The following ARL6IP1 variants were observed in gnomAD, a reference collection of about 807,000 sequenced individuals.
The protein encoded by ARL6IP1 is ARL6 interacting reticulophagy regulator 1.
A neutral mutation model predicts 30.1 loss-of-function variants in ARL6IP1; 16 were observed. The observed-to-expected ratio is 0.53, with a 90% CI of 0.36 to 0.81. The LOEUF (loss-of-function observed/expected upper bound fraction) is 0.81. Ranked by LOEUF, ARL6IP1 falls within the 30% of genes least tolerant of loss-of-function variation. ARL6IP1 has a pLI of 0.01. For synonymous variants in ARL6IP1, 72 were observed against 84.8 expected (o/e 0.85, Z 0.83); for missense variants, 173 against 242.7 (o/e 0.71, Z 1.91).
intron 2 of ARL6IP1, chr16:18,798,367 C>A: frequency 3.3e-6 from 1 of 306,682 alleles, no homozygotes; most frequent in Non-Finnish European, 6.0e-6. Flanking sequence ...TGCAGCAAAC[C>A]ACCATGGCAC....
At chr16:18,798,346 G>A (rs1191445545) in intron 2 of ARL6IP1, 2 of 311,312 alleles carry the variant, frequency 6.4e-6, no homozygotes, top group Non-Finnish European at 1.2e-5. Flanking sequence ...TGTAGATGAA[G>A]GGTTGATGGG....
chr16:18,795,442 TAAGTC>T lies in ARL6IP1; in HGVS notation c.408+17_408+21del, dbSNP rs1567291481. On this transcript the variant is annotated intron_variant, in intron 4 of 5. Transcript: ENST00000304414. ...TCAAATCTTAAAATTTTACTGTACTTAAGTCAAAGCAAAAAAAGTACCATCTTAGG... is the reference window on the plus strand; with the variant it reads ...TCAAATCTTAAAATTTTACTGTACTTAAAGCAAAAAAAGTACCATCTTAGG... 2 of 1,572,930 alleles carry T rather than the reference TAAGTC, an allele frequency of 1.3e-6. No homozygotes were observed. The highest frequency in any genetic ancestry group is 2.2e-5 in the South Asian group (2 of 89,120).
intron 1 of ARL6IP1, among the ~76,000 whole-genome samples, chr16:18,800,602 T>C (rs1268113173): frequency 1.3e-5 from 2 of 152,202 alleles, no homozygotes; most frequent in East Asian, 3.8e-4. Context: ...GTCTGGGGTC[T>C]TGGAAGTTCA....
In ARL6IP1 at chr16:18,801,459, T is replaced by A; in HGVS notation, c.8A>T (p.Glu3Val). The A allele has an allele frequency of 2.5e-6, 4 of 1,612,082 alleles. No homozygotes were observed. Among genetic ancestry groups the A allele is most frequent in the Non-Finnish European group, 3.4e-6 (4 of 1,179,496 alleles). ...CAGGTTGGTGCTGCGATTATCTCCC[T>A]CCGCCATCGTCTCGGGGATGCAGTC... MA[E>V]GDNRSTNLLA... Residue 3 changes from glutamate (E) to valine (V), a missense_variant, in exon 1 of 6, where the codon GAG (glutamate) becomes GTG (valine). Glu to Val is a moderately radical substitution (Grantham distance 121). Transcript: ENST00000304414.
rs1321385437 is a variant in ARL6IP1, at chr16:18,791,748, G to T, written c.*1504C>A. ...ATAATACAGGATTAAAACTGCAAAA[G>T]TAGTTAATCAGTAGAATATGTATGC... is the stretch of plus-strand genomic sequence containing the variant. On this transcript the variant is annotated 3_prime_UTR_variant, in exon 6 of 6. Coordinates refer to ENST00000304414, the MANE Select transcript of ARL6IP1 (RefSeq NM_015161.3). 6.6e-6 allele frequency: 1 copy of T among 152,266 alleles called. No homozygotes were observed. The highest frequency in any genetic ancestry group is 1.5e-5 in the Non-Finnish European group (1 of 68,022). The allele number at this position is 152,266 out of a possible 1,614,324, so 9.4% of individuals were successfully genotyped here.
At chr16:18,796,211 G>T (rs1403232595) in intron 3 of ARL6IP1, among the ~76,000 whole-genome samples, 1 of 152,132 alleles carries the variant, frequency 6.6e-6, no homozygotes. Context: ...TATTTATAAT[G>T]TTTTTCTTGG....
At position 18,801,519 on chromosome 16, in the gene ARL6IP1, C is replaced by A; in HGVS notation, c.-53G>T. The stretch of plus-strand genomic sequence containing the variant: ...GCAGGCCACCTCCCCAACGAGTCCT[C>A]CAACCGAAACCCGCACACCAACCAC... On this transcript the variant is annotated 5_prime_UTR_variant, in exon 1 of 6. Transcript: ENST00000304414. The A allele has an allele frequency of 6.3e-7, 1 of 1,596,984 alleles. No homozygotes were observed. The highest frequency in any genetic ancestry group is 1.8e-5 in the Admixed American group (1 of 55,804).
chr16:18,799,181 G>A (rs540846806), intron 1 of ARL6IP1, among the ~76,000 whole-genome samples: 2 of 152,158 alleles, frequency 1.3e-5, no homozygotes, highest in South Asian at 2.1e-4. Flanking sequence ...CACCACGCCC[G>A]ACTAATTTTT....
rs947193939 is a variant in ARL6IP1 at position 18,801,302 on chromosome 16, C to A, written c.36+129G>T. On this transcript the variant is annotated intron_variant, in intron 1 of 5. Coordinates refer to ENST00000304414, the MANE Select transcript of ARL6IP1 (RefSeq NM_015161.3). ...TCACCCAAGAAGCCCGAGGGCCAGG[C>A]ATCGTCGCCTGCCCAGGGAGAGAAG... is the stretch of plus-strand genomic sequence containing the variant. The A allele has an allele frequency of 1.3e-5, 19 of 1,508,500 alleles. No homozygotes were observed. In the Admixed American group the frequency reaches 3.4e-4, roughly 27 times the overall value. The allele number at this position is 1,508,500 out of a possible 1,614,324, so 93.4% of individuals were successfully genotyped here. A position where few individuals can be genotyped will look rare whatever the true frequency, so the allele number is the denominator to read the frequency against.
intron 1 of ARL6IP1, among the ~76,000 whole-genome samples, chr16:18,799,993 G>C (rs1338471573): frequency 6.6e-6 from 1 of 152,188 alleles, no homozygotes; most frequent in African/African-American, 2.4e-5. Context: ...CTTGAGCCCA[G>C]GAGATCGGGA....
At chr16:18,793,709 G>A (rs887999222) in intron 5 of ARL6IP1, among the ~76,000 whole-genome samples, 2 of 150,316 alleles carry the variant, frequency 1.3e-5, no homozygotes, top group South Asian at 4.2e-4. Context: ...GGGATTACGG[G>A]CGTGAGCCAC....
intron 4 of ARL6IP1, 27 bp from the exon 5 acceptor site, chr16:18,794,710 TC>T (rs745788241): frequency 6.5e-7 from 1 of 1,527,120 alleles, no homozygotes; most frequent in Non-Finnish European, 9.0e-7. Context: ...GAATTTAATA[TC>T]AAAACTTCAT....
Position 18,791,954 on chromosome 16 carries a change from G to C in ARL6IP1, c.*1298C>G, listed in dbSNP as rs948626059. 6.6e-6 allele frequency: 1 copy of C among 152,544 alleles called. No individual in the cohort carries two copies. Among genetic ancestry groups the C allele is most frequent in the Admixed American group, 6.6e-5 (1 of 15,264 alleles). 9.4% of individuals were successfully genotyped at this position (152,544 alleles called of 1,614,324 possible). A position where few individuals can be genotyped will look rare whatever the true frequency, so the allele number is the denominator to read the frequency against. Reference sequence around the variant, plus strand: ...TTTAATAGGGACAGATATACCACAAGGTACAACATCAGTGCAATAAATTCA... The same window carrying C: ...TTTAATAGGGACAGATATACCACAACGTACAACATCAGTGCAATAAATTCA... On this transcript the variant is annotated 3_prime_UTR_variant, in exon 6 of 6. Transcript: ENST00000304414.
chr16:18,795,016 C>CTTTT (rs35734251), intron 4 of ARL6IP1, among the ~76,000 whole-genome samples: 4 of 133,282 alleles, frequency 3.0e-5, no homozygotes, highest in Non-Finnish European at 4.8e-5. Context: ...AGATGCTTTC[C>CTTTT]TTTTTTTTTT....
At chr16:18,795,803 G>C (rs894984669) in intron 3 of ARL6IP1, among the ~76,000 whole-genome samples, 2 of 152,148 alleles carry the variant, frequency 1.3e-5, no homozygotes, top group Non-Finnish European at 2.9e-5. Context: ...GAGAGTGTGT[G>C]TGTGTGTGCG....
rs750906679 is a variant in ARL6IP1, at chr16:18,801,507, C to G, written c.-41G>C. ...GTCTCTACAAGCGCAGGCCACCTCC[C>G]CAACGAGTCCTCCAACCGAAACCCG... On this transcript the variant is annotated 5_prime_UTR_variant, in exon 1 of 6. Coordinates refer to ENST00000304414, the MANE Select transcript of ARL6IP1 (RefSeq NM_015161.3). 1.2e-6 allele frequency: 2 copies of G among 1,604,962 alleles called. No individual in the cohort carries two copies. Among genetic ancestry groups the G allele is most frequent in the Non-Finnish European group, 1.7e-6 (2 of 1,176,644 alleles).
At chr16:18,798,884 T>C (rs749559419) in intron 1 of ARL6IP1, 50 bp from the exon 2 acceptor site, 9 of 1,561,000 alleles carry the variant, frequency 5.8e-6, no homozygotes, top group Non-Finnish European at 7.8e-6. Context: ...CTCAACATTT[T>C]TGTGGTTCAT....
chr16:18,795,674 A>G, intron 3 of ARL6IP1, 93 bp from the exon 4 acceptor site: 1 of 793,264 alleles, frequency 1.3e-6, no homozygotes, highest in Non-Finnish European at 2.0e-6. Context: ...CTTCTAAAGA[A>G]AATAAAAATA....
chr16:18,798,521 A>G (rs1472397775), intron 2 of ARL6IP1, 180 bp downstream of exon 2: 2 of 640,514 alleles, frequency 3.1e-6, no homozygotes, highest in African/African-American at 3.8e-5. Context: ...TAGGTTACCA[A>G]GTTTACAGAA....
Sources: allele counts gnomAD v4.1 joint callset (sites outside exome capture counted in the v4.1 genomes callset), GRCh38; gene constraint gnomAD v4.1.1; transcripts MANE v1.5; gene names NCBI Gene and HGNC (gene_info 2026-07-23, HGNC 2026-07-21).